CCDC110: variants seen among roughly 807,000 people sequenced by gnomAD.
CCDC110 encodes the protein coiled-coil domain containing 110, also known as coiled-coil domain-containing protein 110.
A neutral mutation model predicts 77.1 loss-of-function variants in CCDC110; 70 were observed. That is an observed-to-expected ratio of 0.91 (90% confidence interval 0.75 to 1.11). The LOEUF is 1.11. CCDC110 is among the 50% of genes least tolerant of loss of function. The pLI is 0.00. For missense variants in CCDC110, 868 were observed against 942.9 expected (o/e 0.92, Z 1.04); for synonymous variants, 295 against 312.5 (o/e 0.94, Z 0.59).
chr4:185,448,874 AC>A (rs1352176123), intron 6 of CCDC110, among the ~76,000 whole-genome samples: 1 of 144,310 alleles, frequency 6.9e-6, no homozygotes, highest in Non-Finnish European at 1.5e-5. Flanking sequence ...GAACTTTGGA[AC>A]AGGGAGAAAG....
rs550149516 is a variant in CCDC110, at chr4:185,449,966, G to A, written c.2462-4424C>T. On this transcript the variant is annotated intron_variant, in intron 6 of 6. Coordinates refer to ENST00000307588, the MANE Select transcript of CCDC110 (RefSeq NM_152775.4). ...AATTGCAGCGTTGGAGGGGAGGAGC[G>A]GAAGAGACTGCTGGAAGGGTAGAAA... The A allele has an allele frequency of 1.7e-4, 34 of 204,926 alleles. No individual in the cohort carries two copies. The South Asian group carries it at 1.9e-3, about 11-fold the overall frequency. 12.7% of individuals were successfully genotyped at this position (204,926 alleles called of 1,614,324 possible). A position where few individuals can be genotyped will look rare whatever the true frequency, so the allele number is the denominator to read the frequency against.
chr4:185,455,448 T>C (rs1254978453), intron 6 of CCDC110, among the ~76,000 whole-genome samples: 2 of 152,148 alleles, frequency 1.3e-5, no homozygotes, highest in Non-Finnish European at 2.9e-5. Flanking sequence ...CAAATACCAA[T>C]CTAAAGACAA....
intron 6 of CCDC110, among the ~76,000 whole-genome samples, chr4:185,450,886 A>G (rs1160413176): frequency 6.6e-6 from 1 of 152,204 alleles, no homozygotes; most frequent in Non-Finnish European, 1.5e-5. Context: ...AAATATCTAA[A>G]TATCAAATAA....
chr4:185,459,260 T>A lies in CCDC110; in HGVS notation c.1327A>T (p.Lys443Ter). ...TCACTCTCCAGTTCCATTACTTTTT[T>A]CTGTATCTGCACAGATTCTTTTAGG... ...NYLKESVQIQ[K>*]KVMELESENL... The change falls in exon 6 of 7, where the codon AAA becomes TAA. Residue 443 changes from lysine (K) to a stop codon, truncating the protein, a stop_gained. Transcript: ENST00000307588. LOFTEE classifies it high-confidence loss of function. The A allele has an allele frequency of 6.2e-7, 1 of 1,612,428 alleles. No homozygotes were observed. Among genetic ancestry groups the A allele is most frequent in the Middle Eastern group, 1.7e-4 (1 of 6,056 alleles).
rs544827500 is a variant in CCDC110, at chr4:185,462,861, C to T, written c.171+133G>A. On this transcript the variant is annotated intron_variant, in intron 3 of 6. Transcript: ENST00000307588. Reference sequence around the variant, plus strand: ...ACATTCTTAGGCATTTTGCTAACTCCCCAATGTGCTTTCATGGAGATCCTT... The same window carrying T: ...ACATTCTTAGGCATTTTGCTAACTCTCCAATGTGCTTTCATGGAGATCCTT... 4 of 1,028,822 alleles carry T rather than the reference C, an allele frequency of 3.9e-6. No homozygotes were observed. The African/African-American group carries it at 4.8e-5, about 12-fold the overall frequency. 63.7% of individuals were successfully genotyped at this position (1,028,822 alleles called of 1,614,324 possible).
rs749748740 is a variant in CCDC110, at chr4:185,458,615, T to C, written c.1972A>G (p.Met658Val). 3.1e-6 allele frequency: 5 copies of C among 1,608,386 alleles called. No homozygotes were observed. In the East Asian group the frequency reaches 8.9e-5, roughly 29 times the overall value. The change falls in exon 6 of 7, where the codon ATG becomes GTG. Residue 658 changes from methionine (M) to valine (V), a missense_variant. By Grantham distance (21) the Met-to-Val change is conservative. Transcript: ENST00000307588. ...TGAATATTCTCAATTTCTCTTTCCA[T>C]AATTTGTCTGGCAGCAGTAGATTCT... ...LQESTAARQI[M>V]EREIENIQTY...
At chr4:185,453,596 G>C (rs1170090772) in intron 6 of CCDC110, among the ~76,000 whole-genome samples, 1 of 146,386 alleles carries the variant, frequency 6.8e-6, no homozygotes, top group Admixed American at 6.9e-5. Context: ...CGCCTAGGCT[G>C]GAGTGCAGTG....
chr4:185,465,932 G>T (rs1002715702), intron 2 of CCDC110, among the ~76,000 whole-genome samples: 7 of 152,180 alleles, frequency 4.6e-5, no homozygotes, highest in African/African-American at 1.7e-4. Flanking sequence ...TTTACTGGGG[G>T]AAAACAGTAG....
chr4:185,460,360 A>G (rs980126872), intron 5 of CCDC110, 122 bp from the exon 6 acceptor site: 12 of 634,254 alleles, frequency 1.9e-5, no homozygotes, highest in Non-Finnish European at 5.2e-6. Flanking sequence ...CCATTTCTAC[A>G]GCAAAGGAGC....
chr4:185,445,343 G>A lies in CCDC110; in HGVS notation c.*159C>T. 1.4e-6 allele frequency: 1 copy of A among 730,362 alleles called. No individual in the cohort carries two copies. The allele number at this position is 730,362 out of a possible 1,614,324, so 45.2% of individuals were successfully genotyped here. On this transcript the variant is annotated 3_prime_UTR_variant, in exon 7 of 7. Coordinates refer to ENST00000307588, the MANE Select transcript of CCDC110 (RefSeq NM_152775.4). The stretch of plus-strand genomic sequence containing the variant: ...GAAATTCCCAGCTGAGAAAGCTTAA[G>A]TTATCTGCACCAAACCATTCTGTGC...
rs574637093 is a variant in CCDC110, at chr4:185,451,170, A to G, written c.2462-5628T>C. Among the ~76,000 whole-genome samples the G allele has an allele frequency of 2.6e-5, 4 of 152,252 alleles. No individual in the cohort carries two copies. The South Asian group carries it at 8.3e-4, about 32-fold the overall frequency. On this transcript the variant is annotated intron_variant, in intron 6 of 6. Transcript: ENST00000307588. ...CAAGATGTGCCTTTCACCTTCCATG[A>G]TGATTGTGAGGCCTCCACAGCCACG...
intron 6 of CCDC110, 23 bp from the exon 7 acceptor site, chr4:185,445,565 G>A (rs200690819): frequency 1.8e-4 from 262 of 1,438,166 alleles, no homozygotes; most frequent in Non-Finnish European, 2.4e-4. Context: ...AAAATATTCT[G>A]GTTAATTAAA....
intron 4 of CCDC110, 99 bp downstream of exon 4, chr4:185,462,544 T>G (rs1192896976): frequency 3.4e-6 from 3 of 894,152 alleles, no homozygotes; most frequent in Non-Finnish European, 5.5e-6. Context: ...TTATATTAAA[T>G]TCTGTGTCAG....
chr4:185,465,415 G>A (rs1420820266), intron 2 of CCDC110, among the ~76,000 whole-genome samples: 2 of 152,208 alleles, frequency 1.3e-5, no homozygotes, highest in African/African-American at 4.8e-5. Context: ...ATTTATACAT[G>A]TTGTCTACAT....
intron 6 of CCDC110, among the ~76,000 whole-genome samples, chr4:185,448,297 G>A (rs2095620643): frequency 6.6e-6 from 1 of 151,986 alleles, no homozygotes; most frequent in South Asian, 2.1e-4. Context: ...CTGGGATTAA[G>A]TGCTGGGATT....
rs570086250 is a variant in CCDC110, at chr4:185,450,822, C to T, written c.2462-5280G>A. ...AATTCATAGTGAGGTATTGATAGCC[C>T]TCATTCACCAGGGGCAGGGGCTGGT... On this transcript the variant is annotated intron_variant, in intron 6 of 6. Coordinates refer to ENST00000307588, the MANE Select transcript of CCDC110 (RefSeq NM_152775.4). Among the ~76,000 whole-genome samples the T allele has an allele frequency of 3.3e-5, 5 of 151,938 alleles. No individual in the cohort carries two copies. The South Asian group carries it at 6.2e-4, about 19-fold the overall frequency.
At chr4:185,461,989 T>G (rs939126338) in intron 4 of CCDC110, among the ~76,000 whole-genome samples, 2 of 152,058 alleles carry the variant, frequency 1.3e-5, no homozygotes, top group Non-Finnish European at 2.9e-5. Flanking sequence ...TCCCAGCTAC[T>G]CAGGAGGCTG....
At chr4:185,461,229 CAT>C in intron 4 of CCDC110, 70 bp from the exon 5 acceptor site, 1 of 735,242 alleles carries the variant, frequency 1.4e-6, no homozygotes, top group Non-Finnish European at 2.3e-6. Context: ...GAATAATAGA[CAT>C]TATAATTAAA....
chr4:185,470,757 T>G, intron 2 of CCDC110, 188 bp downstream of exon 2: 1 of 672,890 alleles, frequency 1.5e-6, no homozygotes, highest in Non-Finnish European at 2.7e-6. Context: ...CTCGTAAAAG[T>G]GTTGTGAGAA....
Sources: allele counts gnomAD v4.1 joint callset (sites outside exome capture counted in the v4.1 genomes callset), GRCh38; gene constraint gnomAD v4.1.1; transcripts MANE v1.5; gene names NCBI Gene and HGNC (gene_info 2026-07-23, HGNC 2026-07-21).